Variants in TNRC6B observed in about 807,000 individuals in gnomAD.
TNRC6B encodes trinucleotide repeat containing adaptor 6B.
In TNRC6B, 52 loss-of-function variants were observed where a neutral mutation model predicts 203.6. The ratio of observed to expected loss-of-function variants is 0.26; its 90% CI spans 0.20 to 0.32. The LOEUF (loss-of-function observed/expected upper bound fraction) is 0.32, where lower values mean the gene tolerates loss of function less well. TNRC6B is among the 10% of genes least tolerant of loss of function. The probability of loss-of-function intolerance (pLI) is 1.00; values close to 1 mark genes in which losing one functional copy is unlikely to be tolerated. For missense variants in TNRC6B, 1,923 were observed against 2,286.2 expected, an observed-to-expected ratio of 0.84 and a Z score of 3.24; for synonymous variants, 838 against 845.7, an observed-to-expected ratio of 0.99 and a Z score of 0.16.
intron 4 of TNRC6B, among the ~76,000 whole-genome samples, chr22:40,166,375 TG>T (rs2068919418): frequency 6.6e-6 from 1 of 151,086 alleles, no homozygotes; most frequent in Non-Finnish European, 1.5e-5. Context: ...ATTAATTGGT[TG>T]CCTAACACAT....
rs758516023 is a variant in TNRC6B, at chr22:40,267,061, CT to C, written c.2806+29del. The C allele has an allele frequency of 2.4e-5, 36 of 1,508,632 alleles. No individual in the cohort carries two copies. In the African/African-American group the frequency reaches 4.9e-4, roughly 20 times the overall value. 93.5% of individuals were successfully genotyped at this position (1,508,632 alleles called of 1,614,324 possible). On this transcript the variant is annotated intron_variant, in intron 5 of 22. Coordinates refer to ENST00000454349, the MANE Select transcript of TNRC6B (RefSeq NM_001162501.2). The stretch of plus-strand genomic sequence containing the variant: ...GGTAAGCAGTGGCTTTCTCTTGCAG[CT>C]TTTGATGAAGAAAAGGAATCCTAGA...
At chr22:40,082,599 A>C (rs750077075) in intron 1 of TNRC6B, among the ~76,000 whole-genome samples, 1 of 152,202 alleles carries the variant, frequency 6.6e-6, no homozygotes, top group East Asian at 1.9e-4. Flanking sequence ...AAGCCAGTCT[A>C]ATTTGCATTT....
chr22:40,306,901 T>C (rs2071093613), intron 15 of TNRC6B, among the ~76,000 whole-genome samples: 1 of 152,006 alleles, frequency 6.6e-6, no homozygotes, highest in Admixed American at 6.6e-5. Context: ...GGCAGGAGAA[T>C]TGCTTGAACC....
At chr22:40,158,145 C>G (rs922494834) in intron 4 of TNRC6B, among the ~76,000 whole-genome samples, 29 of 152,012 alleles carry the variant, frequency 1.9e-4, no homozygotes, top group Admixed American at 3.9e-4. Context: ...CAAGACCAGC[C>G]TGACCAACGT....
intron 1 of TNRC6B, among the ~76,000 whole-genome samples, chr22:40,074,780 A>G (rs1412161572): frequency 6.8e-6 from 1 of 146,248 alleles, no homozygotes; most frequent in Non-Finnish European, 1.5e-5. Context: ...CTCCGTCTCC[A>G]AAAAAAAAAT....
chr22:40,079,851 AG>A (rs1415380717), intron 1 of TNRC6B, among the ~76,000 whole-genome samples: 1 of 152,014 alleles, frequency 6.6e-6, no homozygotes, highest in African/African-American at 2.4e-5. Flanking sequence ...GCTGGCGTGC[AG>A]TGGCACAATC....
chr22:40,195,351 T>C (rs568106485), intron 1 of TNRC6B, among the ~76,000 whole-genome samples: 1 of 152,354 alleles, frequency 6.6e-6, no homozygotes, highest in Non-Finnish European at 1.5e-5. Context: ...TAATTCCTGA[T>C]CCCAGTGTTT....
intron 1 of TNRC6B, among the ~76,000 whole-genome samples, chr22:40,096,596 C>T (rs576784349): frequency 6.6e-6 from 1 of 152,314 alleles, no homozygotes; most frequent in South Asian, 2.1e-4. Flanking sequence ...ACAAAACTGG[C>T]TCCACCTCTC....
intron 4 of TNRC6B, among the ~76,000 whole-genome samples, chr22:40,160,475 T>TGAA (rs2068862617): frequency 7.2e-5 from 3 of 41,908 alleles, no homozygotes; most frequent in African/African-American, 6.1e-4. Context: ...AAACTCCGTC[T>TGAA]CAAAAAAAAA....
At position 40,178,020 on chromosome 22, in the gene TNRC6B, A is replaced by G; in HGVS notation, c.-116A>G. 1 of 1,565,118 alleles carries G rather than the reference A, an allele frequency of 6.4e-7. No homozygotes were observed. The highest frequency in any genetic ancestry group is 2.3e-5 in the East Asian group (1 of 44,194). On this transcript the variant is annotated 5_prime_UTR_variant, in exon 1 of 23. Coordinates refer to ENST00000454349, the MANE Select transcript of TNRC6B (RefSeq NM_001162501.2). ...CGACAGAGTCTCTGCTGGTTTCTGA[A>G]TATTTAAAATACAAAAAAACAGATA...
chr22:40,148,283 CTT>C (rs907310952), intron 3 of TNRC6B, among the ~76,000 whole-genome samples: 14 of 128,738 alleles, frequency 1.1e-4, no homozygotes, highest in Admixed American at 3.2e-4. Flanking sequence ...AAAACAGTTT[CTT>C]TTTTTTTTTT....
At chr22:40,121,180 A>G (rs2068441225) in intron 2 of TNRC6B, among the ~76,000 whole-genome samples, 1 of 152,126 alleles carries the variant, frequency 6.6e-6, no homozygotes, top group Non-Finnish European at 1.5e-5. Flanking sequence ...CAGTAAGTCT[A>G]GGTCAGCCAG....
chr22:40,105,884 TCA>T (rs2068278571), intron 1 of TNRC6B, among the ~76,000 whole-genome samples: 1 of 152,200 alleles, frequency 6.6e-6, no homozygotes, highest in African/African-American at 2.4e-5. Context: ...TAATTTGCAT[TCA>T]CACAAGTAGT....
chr22:40,191,280 T>C lies in TNRC6B; in HGVS notation c.5+13140T>C, dbSNP rs115954142. On this transcript the variant is annotated intron_variant, in intron 1 of 22. Transcript: ENST00000454349. ...AAAGGGATAGTAATAGTACCCACCT[T>C]GAAGAGTGATCGTGAAGATTCAGTG... Among the ~76,000 whole-genome samples, 692 of 152,282 alleles carry C rather than the reference T, an allele frequency of 4.5e-3. 6 individuals are homozygous for C. The highest frequency in any genetic ancestry group is 0.015 in the African/African-American group (633 of 41,542).
intron 1 of TNRC6B, among the ~76,000 whole-genome samples, chr22:40,059,115 A>G (rs1348918097): frequency 6.6e-6 from 1 of 151,804 alleles, no homozygotes; most frequent in African/African-American, 2.4e-5. Context: ...TCTGTTTTCC[A>G]TATTATTTTC....
chr22:40,145,838 CT>C (rs2068690361), intron 3 of TNRC6B, among the ~76,000 whole-genome samples: 1 of 127,540 alleles, frequency 7.8e-6, no homozygotes, highest in Non-Finnish European at 1.6e-5. Flanking sequence ...GAGACTTTGT[CT>C]CAAAAAAAAA....
intron 1 of TNRC6B, among the ~76,000 whole-genome samples, chr22:40,210,938 C>CTCAG (rs2069553233): frequency 6.6e-6 from 1 of 152,138 alleles, no homozygotes; most frequent in Non-Finnish European, 1.5e-5. Context: ...ACCCTGCCAC[C>CTCAG]TCAGTCATGA....
chr22:40,298,079 T>G (rs934991111), intron 12 of TNRC6B, among the ~76,000 whole-genome samples: 8 of 148,622 alleles, frequency 5.4e-5, no homozygotes, highest in Admixed American at 4.7e-4. Context: ...GAGCCGAGAT[T>G]GCGCCACTGC....
At chr22:40,080,841 T>C (rs77939734) in intron 1 of TNRC6B, among the ~76,000 whole-genome samples, 2,174 of 151,888 alleles carry the variant, frequency 0.014, 21 homozygotes, top group Non-Finnish European at 0.022. Context: ...TTTTTTGTTT[T>C]TTTTTTTTTT....
Sources: gnomAD v4.1 joint callset for allele counts (sites outside exome capture counted in the v4.1 genomes callset) on GRCh38, gnomAD v4.1.1 for gene constraint, MANE v1.5 for transcripts, NCBI Gene and HGNC (gene_info 2026-07-23, HGNC 2026-07-21) for gene names.